The following TENT4B variants were observed in gnomAD, a reference collection of about 807,000 sequenced individuals.
The protein encoded by TENT4B is PAP associated domain containing 5.
A neutral mutation model predicts 75.0 loss-of-function variants in TENT4B; 10 were observed. The observed-to-expected ratio is 0.13, with a 90% CI of 0.08 to 0.23. The LOEUF is 0.23. Among genes scored for constraint, TENT4B ranks in the 10% least tolerant of loss-of-function variants. The pLI, the probability that TENT4B is intolerant of heterozygous loss-of-function variation, is 1.00. For synonymous variants in TENT4B, 350 were observed against 357.7 expected, an observed-to-expected ratio of 0.98 and a Z score of 0.24; for missense variants, 579 against 893.8, an observed-to-expected ratio of 0.65 and a Z score of 4.49.
intron 1 of TENT4B, among the ~76,000 whole-genome samples, chr16:50,162,619 A>G (rs2038023460): frequency 1.3e-5 from 2 of 152,164 alleles, no homozygotes; most frequent in South Asian, 4.1e-4. Flanking sequence ...CTCAATGAAA[A>G]ATCTCTAAAA....
rs1328832681 is a variant in TENT4B at position 50,223,272 on chromosome 16, G to A, written c.1266G>A (p.Lys422=). 5 of 1,613,652 alleles carry A rather than the reference G, an allele frequency of 3.1e-6. No homozygotes were observed. Among genetic ancestry groups the A allele is most frequent in the Non-Finnish European group, 4.2e-6 (5 of 1,179,666 alleles). ...ELYGRHFNYL[K]TGIRIKDGGS... ...ATGGACGACACTTCAATTATTTAAA[G>A]ACTGGCATCCGGATAAAGGATGGTG... Residue 422 remains lysine (K), a synonymous_variant, in exon 7 of 12, where the codon AAG becomes AAA. Transcript: ENST00000561678.
In TENT4B at chr16:50,232,934, T is replaced by TA. The variant is rs1262237834; in HGVS notation, c.*3607dup. 8.1e-6 allele frequency: 8 copies of TA among 985,396 alleles called. No individual in the cohort carries two copies. In the South Asian group the frequency reaches 3.8e-4, roughly 46 times the overall value. 61.0% of individuals were successfully genotyped at this position (985,396 alleles called of 1,614,324 possible). On this transcript the variant is annotated 3_prime_UTR_variant, in exon 12 of 12. Coordinates refer to ENST00000561678, the MANE Select transcript of TENT4B (RefSeq NM_001365324.3). ...AAACTAAATGGTAAACTATCAAAAA[T>TA]ACATTCCCAATTTTGCTGTGATAAA...
At chr16:50,166,697 C>T (rs1203150413) in intron 1 of TENT4B, among the ~76,000 whole-genome samples, 1 of 151,932 alleles carries the variant, frequency 6.6e-6, no homozygotes, top group African/African-American at 2.4e-5. Flanking sequence ...AACCTCTGCC[C>T]CCACCCCAGG....
chr16:50,187,962 G>C (rs1354908678), intron 1 of TENT4B, among the ~76,000 whole-genome samples: 1 of 152,180 alleles, frequency 6.6e-6, no homozygotes, highest in East Asian at 1.9e-4. Flanking sequence ...TGAGACAGCA[G>C]CTTACTCTGT....
intron 1 of TENT4B, among the ~76,000 whole-genome samples, chr16:50,170,538 G>A (rs565131152): frequency 1.2e-4 from 19 of 152,156 alleles, no homozygotes; most frequent in Admixed American, 3.3e-4. Flanking sequence ...TGGCAGTATG[G>A]CCCCTGTAAG....
At chr16:50,180,552 CA>C (rs2038393934) in intron 1 of TENT4B, among the ~76,000 whole-genome samples, 1 of 152,052 alleles carries the variant, frequency 6.6e-6, no homozygotes, top group Non-Finnish European at 1.5e-5. Context: ...ACTAAAAATA[CA>C]AAAAAATTAG....
At chr16:50,213,563 CT>C (rs1242929182) in intron 2 of TENT4B, among the ~76,000 whole-genome samples, 2 of 152,124 alleles carry the variant, frequency 1.3e-5, no homozygotes. Context: ...AAGACTCCTG[CT>C]TAGAGAACAA....
At chr16:50,202,942 G>T (rs955539315) in intron 1 of TENT4B, among the ~76,000 whole-genome samples, 2 of 152,172 alleles carry the variant, frequency 1.3e-5, no homozygotes. Flanking sequence ...CAGAAATTGA[G>T]TGCAACTGGC....
intron 1 of TENT4B, among the ~76,000 whole-genome samples, chr16:50,187,014 G>T (rs535938861): frequency 6.6e-6 from 1 of 152,052 alleles, no homozygotes; most frequent in Admixed American, 6.6e-5. Flanking sequence ...TCCTACCTCG[G>T]CTTCTCAGAG....
intron 1 of TENT4B, among the ~76,000 whole-genome samples, chr16:50,206,954 A>T (rs1366864253): frequency 6.6e-6 from 1 of 151,248 alleles, no homozygotes; most frequent in Non-Finnish European, 1.5e-5. Context: ...TATTTTTTAA[A>T]TATGGAATCT....
At chr16:50,187,568 G>A (rs1008818436) in intron 1 of TENT4B, among the ~76,000 whole-genome samples, 13 of 152,214 alleles carry the variant, frequency 8.5e-5, no homozygotes, top group Non-Finnish European at 1.6e-4. Context: ...GGGCGACAGA[G>A]CGAGACTCCA....
intron 1 of TENT4B, among the ~76,000 whole-genome samples, chr16:50,180,331 C>T (rs1318517208): frequency 6.6e-6 from 1 of 152,170 alleles, no homozygotes; most frequent in Non-Finnish European, 1.5e-5. Context: ...TCTCGAACTC[C>T]TAACCTTGTG....
rs1161020200 is a variant in TENT4B, at chr16:50,153,513, A to AGCAGCG, written c.-103_-98dup. 15 of 854,926 alleles carry AGCAGCG rather than the reference A, an allele frequency of 1.8e-5. No individual in the cohort carries two copies. The highest frequency in any genetic ancestry group is 1.5e-4 in the African/African-American group (8 of 53,628). The allele number at this position is 854,926 out of a possible 1,614,324, so 53.0% of individuals were successfully genotyped here. A position where few individuals can be genotyped will look rare whatever the true frequency, so the allele number is the denominator to read the frequency against. On this transcript the variant is annotated 5_prime_UTR_variant, in exon 1 of 12. Coordinates refer to ENST00000561678, the MANE Select transcript of TENT4B (RefSeq NM_001365324.3). Reference sequence around the variant, plus strand: ...GAGCAGCAGCAGCAGCAGCAGCGGCAGCAGCGGCAGCAGCAGCAGCAGCCG... The same window carrying AGCAGCG: ...GAGCAGCAGCAGCAGCAGCAGCGGCAGCAGCGGCAGCGGCAGCAGCAGCAGCAGCCG...
At position 50,220,189 on chromosome 16, in the gene TENT4B, A is replaced by G. The variant is rs578063614; in HGVS notation, c.1039-2117A>G. ...TTTGTAGTAGAGATGTGGTTGCACC[A>G]TGTTGGCCAGGGTGGTCTCAAACCC... On this transcript the variant is annotated intron_variant, in intron 5 of 11. Coordinates refer to ENST00000561678, the MANE Select transcript of TENT4B (RefSeq NM_001365324.3). 4.6e-5 allele frequency among the ~76,000 whole-genome samples: 7 copies of G among 152,052 alleles called. No individual in the cohort carries two copies. The East Asian group carries it at 9.7e-4, about 21-fold the overall frequency.
intron 1 of TENT4B, among the ~76,000 whole-genome samples, chr16:50,184,775 C>G (rs1567490448): frequency 3.3e-5 from 5 of 152,008 alleles, no homozygotes; most frequent in Admixed American, 1.3e-4. Flanking sequence ...CACTCTGTTA[C>G]GCAGGCTGGA....
At chr16:50,205,365 T>TA (rs900721914) in intron 1 of TENT4B, among the ~76,000 whole-genome samples, 116 of 151,908 alleles carry the variant, frequency 7.6e-4, no homozygotes, top group African/African-American at 2.4e-3. Flanking sequence ...GCTGATTTTT[T>TA]AAAAAAAATT....
intron 1 of TENT4B, among the ~76,000 whole-genome samples, chr16:50,200,961 TA>T (rs763907081): frequency 1.3e-5 from 2 of 152,016 alleles, no homozygotes; most frequent in Admixed American, 6.6e-5. Context: ...CATGCCCTGC[TA>T]ATTTAAAAGA....
intron 2 of TENT4B, among the ~76,000 whole-genome samples, chr16:50,211,939 T>C (rs2031300451): frequency 6.6e-6 from 1 of 152,176 alleles, no homozygotes; most frequent in Admixed American, 6.5e-5. Flanking sequence ...TTCCTGAAAT[T>C]GCCATTTTTC....
intron 1 of TENT4B, among the ~76,000 whole-genome samples, chr16:50,187,648 A>G (rs188590276): frequency 3.9e-5 from 6 of 152,268 alleles, no homozygotes; most frequent in East Asian, 1.9e-4. Context: ...TCCCATCACT[A>G]TTTGTTGAAA....
Sources: gnomAD v4.1 joint callset for allele counts (sites outside exome capture counted in the v4.1 genomes callset) on GRCh38, gnomAD v4.1.1 for gene constraint, MANE v1.5 for transcripts, NCBI Gene and HGNC (gene_info 2026-07-23, HGNC 2026-07-21) for gene names.